TBCD: variants seen among roughly 807,000 people sequenced by gnomAD.
The protein encoded by TBCD is tubulin folding cofactor D, also known as tubulin-specific chaperone D.
Under a neutral mutation model 169.3 loss-of-function variants are expected in TBCD, and 105 were observed. The ratio of observed to expected loss-of-function variants is 0.62; its 90% CI spans 0.53 to 0.73. The LOEUF (loss-of-function observed/expected upper bound fraction) is 0.73, where lower values mean the gene tolerates loss of function less well. TBCD is among the 30% of genes least tolerant of loss of function. The pLI, the probability that TBCD is intolerant of heterozygous loss-of-function variation, is 0.00. For synonymous variants in TBCD, 700 were observed against 643.9 expected (o/e 1.09, Z -1.32); for missense variants, 1,444 against 1,600.1 (o/e 0.90, Z 1.66).
chr17:82,873,068 G>A (rs79299098), intron 14 of TBCD, among the ~76,000 whole-genome samples: 18,357 of 152,126 alleles, frequency 0.12, 1,469 homozygotes, highest in Non-Finnish European at 0.17. Flanking sequence ...CTGCCTCGTG[G>A]CTGAGAAGCT....
intron 33 of TBCD, among the ~76,000 whole-genome samples, chr17:82,931,013 G>C (rs2062156309): frequency 1.3e-5 from 2 of 152,240 alleles, no homozygotes; most frequent in African/African-American, 4.8e-5. Context: ...CAGCCACCCG[G>C]CAAGTGAGAG....
In TBCD at chr17:82,833,696, C is replaced by T. The variant is rs1370546168; in HGVS notation, c.1318+18762C>T. Among the ~76,000 whole-genome samples, 1 of 152,146 alleles carries T rather than the reference C, an allele frequency of 6.6e-6. No homozygotes were observed. Among genetic ancestry groups the T allele is most frequent in the Non-Finnish European group, 1.5e-5 (1 of 68,026 alleles). On this transcript the variant is annotated intron_variant, in intron 13 of 38. Transcript: ENST00000355528. The surrounding 1 kb of genome is among the most constrained non-coding windows in gnomAD (Gnocchi z 4.7). ...GCCACACTCCTGCCCGAGAGGAGAC[C>T]AGAGTGAGTAGTATCCGCTTTAGAG...
chr17:82,927,530 C>T (rs959197955), intron 29 of TBCD, among the ~76,000 whole-genome samples: 3 of 152,224 alleles, frequency 2.0e-5, no homozygotes, highest in African/African-American at 7.2e-5. Context: ...CCAGCCCGTC[C>T]TCAGGTGTTG....
Position 82,830,083 on chromosome 17 carries a change from G to A in TBCD, c.1318+15149G>A, listed in dbSNP as rs1465904158. 1.1e-5 allele frequency: 18 copies of A among 1,608,124 alleles called. No individual in the cohort carries two copies. The East Asian group carries it at 3.6e-4, about 32-fold the overall frequency. ...TGCCAGTTCAGAGGTGTTGTAGCTT[G>A]CCACCTTGGAAGGCGTGTGTGTGGC... is the stretch of plus-strand genomic sequence containing the variant. On this transcript the variant is annotated intron_variant, in intron 13 of 38. Transcript: ENST00000355528.
chr17:82,853,561 C>T (rs1033675922), intron 13 of TBCD, among the ~76,000 whole-genome samples: 1 of 151,976 alleles, frequency 6.6e-6, no homozygotes, highest in Non-Finnish European at 1.5e-5. Context: ...TGCCAGCACA[C>T]CCAGCTCATT....
At chr17:82,797,961 A>G in intron 8 of TBCD, among the ~76,000 whole-genome samples, 159 bp downstream of exon 8, 1 of 54,976 alleles carries the variant, frequency 1.8e-5, no homozygotes, top group African/African-American at 6.0e-5. Context: ...TAGTAACTGA[A>G]CTTTTTTTTT....
At chr17:82,934,141 GC>G (rs2062434735) in intron 34 of TBCD, among the ~76,000 whole-genome samples, 1 of 152,224 alleles carries the variant, frequency 6.6e-6, no homozygotes, top group Non-Finnish European at 1.5e-5. Context: ...CCCCCAGGAA[GC>G]CCCCTCTGGT....
rs1478061315 is a variant in TBCD, at chr17:82,889,461, T to C, written c.1534-207T>C. Reference sequence around the variant, plus strand: ...TCAGGATGTGTCTGATTTTATAAACTTGAATTCTTAAATTGTGGTTTTAAA... The same window carrying C: ...TCAGGATGTGTCTGATTTTATAAACCTGAATTCTTAAATTGTGGTTTTAAA... On this transcript the variant is annotated intron_variant, in intron 15 of 38. Coordinates refer to ENST00000355528, the MANE Select transcript of TBCD (RefSeq NM_005993.5). The surrounding 1 kb of genome is among the most constrained non-coding windows in gnomAD (Gnocchi z 5.3). Among the ~76,000 whole-genome samples the C allele has an allele frequency of 6.6e-6, 1 of 152,174 alleles. No individual in the cohort carries two copies. The highest frequency in any genetic ancestry group is 6.5e-5 in the Admixed American group (1 of 15,282).
intron 7 of TBCD, among the ~76,000 whole-genome samples, chr17:82,790,840 C>A (rs1392131460): frequency 6.6e-6 from 1 of 152,120 alleles, no homozygotes; most frequent in African/African-American, 2.4e-5. Context: ...AGCTGTGCCA[C>A]CCCCACCTGC....
chr17:82,768,964 A>G (rs1373165665), intron 5 of TBCD, among the ~76,000 whole-genome samples: 2 of 152,260 alleles, frequency 1.3e-5, no homozygotes, highest in East Asian at 1.9e-4. Context: ...ATGAAATTCT[A>G]GTGCCAAGAG....
chr17:82,932,681 CGCTGGACCACGT>C lies in TBCD; in HGVS notation c.3141_3152del (p.Asp1048_Leu1051del). On this transcript the variant is annotated inframe_deletion, in exon 34 of 39. Transcript: ENST00000355528. The stretch of plus-strand genomic sequence containing the variant: ...AGGGTGTCCGTGCCGCTGCTGAAGA[CGCTGGACCACGT>C]GCTCACCCACGGCTGCTTCGACATC... 1.2e-6 allele frequency: 2 copies of C among 1,613,794 alleles called. No homozygotes were observed. The highest frequency in any genetic ancestry group is 1.7e-6 in the Non-Finnish European group (2 of 1,179,878).
intron 33 of TBCD, chr17:82,932,190 T>A (rs2062263861): frequency 4.5e-6 from 1 of 222,426 alleles, no homozygotes; most frequent in Non-Finnish European, 9.0e-6. Context: ...TTTTCTGTTT[T>A]GTCCTAGAAG....
Position 82,864,081 on chromosome 17 carries a change from T to C in TBCD, c.1319-6143T>C, listed in dbSNP as rs900434021. 8.5e-5 allele frequency among the ~76,000 whole-genome samples: 13 copies of C among 152,210 alleles called. No individual in the cohort carries two copies. Among genetic ancestry groups the C allele is most frequent in the African/African-American group, 3.1e-4 (13 of 41,446 alleles). ...GTGTTCTTAGGGGCTGTCTTACCAG[T>C]GAAGGGAGCTGCCTGCTGTTGACGC... On this transcript the variant is annotated intron_variant, in intron 13 of 38. Transcript: ENST00000355528. The surrounding 1 kb of genome is among the most constrained non-coding windows in gnomAD (Gnocchi z 6.3).
chr17:82,929,170 C>G lies in TBCD; in HGVS notation c.2751C>G (p.Phe917Leu). The change falls in exon 31 of 39, where the codon TTC (phenylalanine) becomes TTG (leucine). Residue 917 changes from phenylalanine (F) to leucine (L), a missense_variant. Physicochemically the swap from Phe to Leu is conservative, Grantham distance 22. Transcript: ENST00000355528. ...AQQASEKIDR[F>L]RAHAASVFLT... ...AGGCCAGTGAGAAGATTGACCGTTTCCGTGCTCACGCCGCCAGCGTGTTCC... is the reference window on the plus strand; with the variant it reads ...AGGCCAGTGAGAAGATTGACCGTTTGCGTGCTCACGCCGCCAGCGTGTTCC... 1 of 1,613,658 alleles carries G rather than the reference C, an allele frequency of 6.2e-7. No individual in the cohort carries two copies. Among genetic ancestry groups the G allele is most frequent in the South Asian group, 1.1e-5 (1 of 91,074 alleles).
In TBCD at chr17:82,934,700, G is replaced by A. The variant is rs542688535; in HGVS notation, c.3191+1965G>A. Among the ~76,000 whole-genome samples, 47 of 152,082 alleles carry A rather than the reference G, an allele frequency of 3.1e-4. 1 individual carries two copies. The South Asian group carries it at 5.4e-3, about 18-fold the overall frequency. On this transcript the variant is annotated intron_variant, in intron 34 of 38. Transcript: ENST00000355528. ...TTGGTCAGGCTGGTCTCGAACTCCC[G>A]ACCTGAGGTGATCTGCCCACTTCTG...
intron 13 of TBCD, among the ~76,000 whole-genome samples, chr17:82,817,279 C>T (rs1327620995): frequency 6.6e-6 from 1 of 152,106 alleles, no homozygotes; most frequent in Admixed American, 6.6e-5. Context: ...TACAGGGGTG[C>T]ACCACCATGC....
intron 6 of TBCD, among the ~76,000 whole-genome samples, chr17:82,776,952 T>G (rs1000701106): frequency 3.3e-5 from 5 of 152,204 alleles, no homozygotes; most frequent in African/African-American, 1.2e-4. Flanking sequence ...CTTCGTGACC[T>G]GACTCTGCGT....
intron 12 of TBCD, among the ~76,000 whole-genome samples, chr17:82,812,683 A>G (rs1243580082): frequency 6.6e-6 from 1 of 152,186 alleles, no homozygotes; most frequent in Admixed American, 6.5e-5. Context: ...AGCTGGGACT[A>G]CAGGCGTGCA....
Position 82,899,304 on chromosome 17 carries a change from G to A in TBCD, c.1650-1347G>A, listed in dbSNP as rs146319301. 9.9e-3 allele frequency among the ~76,000 whole-genome samples: 1,454 copies of A among 146,618 alleles called. 14 individuals are homozygous for A. The highest frequency in any genetic ancestry group is 0.055 in the Middle Eastern group (15 of 274). On this transcript the variant is annotated intron_variant, in intron 17 of 38. Coordinates refer to ENST00000355528, the MANE Select transcript of TBCD (RefSeq NM_005993.5). The stretch of plus-strand genomic sequence containing the variant: ...TGTGTCCTCAGTGCGTGTGTCCTCC[G>A]CTCACGTGTCCTCAGCGCGCGCGTC...
Sources: gnomAD v4.1 joint callset for allele counts (sites outside exome capture counted in the v4.1 genomes callset) on GRCh38, gnomAD v4.1.1 for gene constraint, Gnocchi (gnomAD v3.1) non-coding constraint, MANE v1.5 for transcripts, NCBI Gene and HGNC (gene_info 2026-07-23, HGNC 2026-07-21) for gene names.